The following CNTNAP2 variants were observed in gnomAD, a reference collection of about 807,000 sequenced individuals.
CNTNAP2 encodes the protein contactin associated protein 2, also known as contactin-associated protein-like 2.
Under a neutral mutation model 155.2 loss-of-function variants are expected in CNTNAP2, and 98 were observed. The observed-to-expected ratio is 0.63, with a 90% CI of 0.54 to 0.75. The LOEUF (loss-of-function observed/expected upper bound fraction) is 0.75, where lower values mean the gene tolerates loss of function less well. Among genes scored for constraint, CNTNAP2 ranks in the 30% least tolerant of loss-of-function variants. The probability of loss-of-function intolerance (pLI) is 0.00; values close to 1 mark genes in which losing one functional copy is unlikely to be tolerated. For synonymous variants in CNTNAP2, 651 were observed against 631.2 expected (o/e 1.03, Z -0.47); for missense variants, 1,727 against 1,688.1 (o/e 1.02, Z -0.40).
intron 1 of CNTNAP2, among the ~76,000 whole-genome samples, chr7:146,166,925 A>G (rs1485689381): frequency 6.6e-6 from 1 of 152,224 alleles, no homozygotes; most frequent in Non-Finnish European, 1.5e-5. Context: ...GAAATTAAAA[A>G]AGAAGTCCGA....
chr7:146,603,207 T>C (rs914720674), intron 1 of CNTNAP2, among the ~76,000 whole-genome samples: 8 of 151,038 alleles, frequency 5.3e-5, no homozygotes, highest in African/African-American at 1.9e-4. Context: ...GGTCAGGAGA[T>C]CGAGACCATC....
chr7:146,874,153 G>A (rs1795372303), intron 3 of CNTNAP2, among the ~76,000 whole-genome samples: 1 of 151,982 alleles, frequency 6.6e-6, no homozygotes, highest in African/African-American at 2.4e-5. Context: ...GTTAAAATCT[G>A]ATGCCAGGAA....
chr7:147,350,699 G>C (rs1795953829), intron 9 of CNTNAP2, among the ~76,000 whole-genome samples: 1 of 151,694 alleles, frequency 6.6e-6, no homozygotes, highest in Non-Finnish European at 1.5e-5. Context: ...TATGCATTCA[G>C]TAGAGAAAAC....
chr7:148,129,552 A>C (rs1804784792), intron 16 of CNTNAP2, among the ~76,000 whole-genome samples: 1 of 152,212 alleles, frequency 6.6e-6, no homozygotes, highest in Non-Finnish European at 1.5e-5. Flanking sequence ...CCGTGTATAA[A>C]TTACAGCTGA....
At chr7:147,630,316 T>TAAAAAAAAAAAAAAAAAAAAAAAGAA (rs1795063293) in intron 12 of CNTNAP2, among the ~76,000 whole-genome samples, 5 of 73,080 alleles carry the variant, frequency 6.8e-5, no homozygotes, top group Non-Finnish European at 1.2e-4. Flanking sequence ...GAAACAGTAG[T>TAAAAAAAAAAAAAAAAAAAAAAAGAA]AAAAAAAAAA....
At chr7:147,173,000 A>G (rs1277216776) in intron 8 of CNTNAP2, among the ~76,000 whole-genome samples, 2 of 152,212 alleles carry the variant, frequency 1.3e-5, no homozygotes, top group African/African-American at 4.8e-5. Flanking sequence ...GATTGTCAGC[A>G]TTAACACACA....
intron 1 of CNTNAP2, among the ~76,000 whole-genome samples, chr7:146,230,846 C>A (rs1476486287): frequency 2.0e-5 from 3 of 152,028 alleles, no homozygotes; most frequent in African/African-American, 4.8e-5. Context: ...GAAACCCTGT[C>A]TCTACTAACA....
chr7:148,189,791 A>C (rs780771380), intron 18 of CNTNAP2: 4 of 152,242 alleles, frequency 2.6e-5, no homozygotes, highest in Non-Finnish European at 5.9e-5. Context: ...AGAAATGGGT[A>C]GCCCCTGGCA....
intron 1 of CNTNAP2, among the ~76,000 whole-genome samples, chr7:146,708,112 G>T (rs988388426): frequency 1.2e-4 from 19 of 152,036 alleles, no homozygotes; most frequent in African/African-American, 4.3e-4. Context: ...AAATACCAAA[G>T]AAATAAATAC....
chr7:147,722,809 C>T (rs972861654), intron 13 of CNTNAP2, among the ~76,000 whole-genome samples: 1 of 152,074 alleles, frequency 6.6e-6, no homozygotes, highest in African/African-American at 2.4e-5. Context: ...TGTCACAGGT[C>T]ATTTCATCTC....
intron 1 of CNTNAP2, among the ~76,000 whole-genome samples, chr7:146,673,655 T>G (rs1274588512): frequency 6.6e-6 from 1 of 152,214 alleles, no homozygotes; most frequent in East Asian, 1.9e-4. Context: ...CCAATCTGGC[T>G]GTTTCTGTGC....
At chr7:146,182,747 C>T (rs567916298) in intron 1 of CNTNAP2, among the ~76,000 whole-genome samples, 2 of 152,264 alleles carry the variant, frequency 1.3e-5, no homozygotes, top group African/African-American at 2.4e-5. Flanking sequence ...TGTTTGACTT[C>T]GTAGGCACTC....
chr7:147,887,129 C>G (rs910993541), intron 13 of CNTNAP2, among the ~76,000 whole-genome samples: 8 of 152,154 alleles, frequency 5.3e-5, no homozygotes, highest in African/African-American at 1.9e-4. Context: ...TTCGACTATA[C>G]AATTAAGGCC....
intron 1 of CNTNAP2, among the ~76,000 whole-genome samples, chr7:146,758,683 T>C (rs910433067): frequency 6.6e-6 from 1 of 152,136 alleles, no homozygotes. Flanking sequence ...AAAAGAATAA[T>C]GCGGGAAAGA....
rs753109068 is a variant in CNTNAP2 at position 146,664,593 on chromosome 7, T to C, written c.98-109678T>C. 5.9e-5 allele frequency among the ~76,000 whole-genome samples: 9 copies of C among 152,226 alleles called. No individual in the cohort carries two copies. In the East Asian group the frequency reaches 9.6e-4, roughly 16 times the overall value. On this transcript the variant is annotated intron_variant, in intron 1 of 23. Coordinates refer to ENST00000361727, the MANE Select transcript of CNTNAP2 (RefSeq NM_014141.6). ...TTTTTGTATTCATATTCATGAAATATATTGATCTGTAGTTTTCTTTAACAT... is the reference window on the plus strand; with the variant it reads ...TTTTTGTATTCATATTCATGAAATACATTGATCTGTAGTTTTCTTTAACAT...
At chr7:148,058,685 T>C (rs1433666283) in intron 15 of CNTNAP2, among the ~76,000 whole-genome samples, 1 of 152,142 alleles carries the variant, frequency 6.6e-6, no homozygotes, top group Non-Finnish European at 1.5e-5. Context: ...GGCTGGCAGA[T>C]GTTTGGCTTT....
intron 1 of CNTNAP2, among the ~76,000 whole-genome samples, chr7:146,452,476 G>A (rs75462506): frequency 0.015 from 2,323 of 152,116 alleles, 33 homozygotes; most frequent in African/African-American, 0.034. Context: ...ATTGAGGTAC[G>A]GTATAAATTT....
At chr7:148,337,216 C>T (rs993825268) in intron 21 of CNTNAP2, among the ~76,000 whole-genome samples, 1 of 152,094 alleles carries the variant, frequency 6.6e-6, no homozygotes, top group African/African-American at 2.4e-5. Context: ...GCTGCTCCCC[C>T]TCCCTCTCTG....
chr7:148,116,813 G>A (rs1192868397), intron 15 of CNTNAP2, among the ~76,000 whole-genome samples: 1 of 152,220 alleles, frequency 6.6e-6, no homozygotes, highest in East Asian at 1.9e-4. Flanking sequence ...TATCATTTGT[G>A]TATGAATAGA....
Sources: allele counts gnomAD v4.1 joint callset (sites outside exome capture counted in the v4.1 genomes callset), GRCh38; gene constraint gnomAD v4.1.1; transcripts MANE v1.5; gene names NCBI Gene and HGNC (gene_info 2026-07-23, HGNC 2026-07-21).